The following KIAA0232 variants were observed in gnomAD, a reference collection of about 807,000 sequenced individuals.
The protein encoded by KIAA0232 is KIAA0232.
KIAA0232 carries 27 observed loss-of-function variants against 122.0 expected under a neutral mutation model. The ratio of observed to expected loss-of-function variants is 0.22; its 90% confidence interval spans 0.16 to 0.31. The LOEUF is 0.31. Ranked by LOEUF, KIAA0232 falls within the 10% of genes least tolerant of loss-of-function variation. KIAA0232 has a pLI of 1.00. For missense variants in KIAA0232, 1,551 were observed against 1,634.2 expected (o/e 0.95, Z 0.88); for synonymous variants, 613 against 587.6 (o/e 1.04, Z -0.63).
chr4:6,787,202 T>C (rs984531208), intron 1 of KIAA0232, among the ~76,000 whole-genome samples: 1 of 136,340 alleles, frequency 7.3e-6, no homozygotes, highest in African/African-American at 2.7e-5. Context: ...AAAAAAAAAA[T>C]CCTTATATTT....
chr4:6,852,312 G>A (rs762638861), intron 4 of KIAA0232, among the ~76,000 whole-genome samples: 2 of 152,098 alleles, frequency 1.3e-5, no homozygotes, highest in Admixed American at 6.5e-5. Context: ...GAAGGCATGA[G>A]TTTGTGACCC....
In KIAA0232 at chr4:6,809,785, A is replaced by G. The variant is rs141412577; in HGVS notation, c.-270+5179A>G. ...AATCAGTAATATTTATATATTACCA[A>G]TAACGATCTAGCTGAGGAAGAAATC... On this transcript the variant is annotated intron_variant, in intron 2 of 9. Transcript: ENST00000307659. 4.2e-4 allele frequency among the ~76,000 whole-genome samples: 64 copies of G among 152,302 alleles called. No homozygotes were observed. In the East Asian group the frequency reaches 9.3e-3, roughly 22 times the overall value.
chr4:6,797,789 A>G (rs1577356257), intron 1 of KIAA0232, among the ~76,000 whole-genome samples: 4 of 123,552 alleles, frequency 3.2e-5, no homozygotes, highest in Non-Finnish European at 3.5e-5. Context: ...AAAAAAAAAA[A>G]GGCCGGGCGC....
intron 4 of KIAA0232, among the ~76,000 whole-genome samples, chr4:6,856,448 G>A (rs182194960): frequency 7.9e-5 from 12 of 152,112 alleles, no homozygotes; most frequent in Admixed American, 5.9e-4. Context: ...AAGATTATTT[G>A]CTTGTGCCTG....
At chr4:6,870,830 G>A (rs1317565890) in intron 7 of KIAA0232, among the ~76,000 whole-genome samples, 1 of 149,954 alleles carries the variant, frequency 6.7e-6, no homozygotes, top group Non-Finnish European at 1.5e-5. Context: ...AAGTTTCTTT[G>A]ATTCCATTTC....
Position 6,861,117 on chromosome 4 carries a change from G to C in KIAA0232, c.735G>C (p.Glu245Asp). The C allele has an allele frequency of 1.9e-6, 3 of 1,614,126 alleles. No individual in the cohort carries two copies. Among genetic ancestry groups the C allele is most frequent in the Non-Finnish European group, 2.5e-6 (3 of 1,180,034 alleles). Residue 245 changes from glutamate to aspartate, a missense_variant, in exon 7 of 10, where the codon GAG becomes GAC. Glu to Asp is a conservative substitution (Grantham distance 45). Transcript: ENST00000307659. ...GTGAAGTACCCACCACTGTGCATGA[G>C]AAAACCCAGAGCAAAAGCAAAAACG... is the stretch of plus-strand genomic sequence containing the variant. ...RSSEVPTTVHEKTQSKSKNEK... is the reference protein window; with the variant it reads ...RSSEVPTTVHDKTQSKSKNEK...
chr4:6,839,244 C>T (rs1719515213), intron 3 of KIAA0232, among the ~76,000 whole-genome samples: 2 of 152,118 alleles, frequency 1.3e-5, no homozygotes, highest in African/African-American at 4.8e-5. Context: ...CCATCACCGT[C>T]AGGTTTAGAT....
chr4:6,798,670 A>G (rs146455298), intron 1 of KIAA0232, among the ~76,000 whole-genome samples: 1 of 152,068 alleles, frequency 6.6e-6, no homozygotes, highest in African/African-American at 2.4e-5. Context: ...TCCCACCTCA[A>G]CCTTCTGAGT....
At chr4:6,839,177 G>T (rs1719512082) in intron 3 of KIAA0232, among the ~76,000 whole-genome samples, 1 of 152,150 alleles carries the variant, frequency 6.6e-6, no homozygotes, top group Non-Finnish European at 1.5e-5. Context: ...TTCTAGGAAT[G>T]ACATTGATTA....
At position 6,881,018 on chromosome 4, in the gene KIAA0232, T is replaced by C. The variant is rs745386669; in HGVS notation, c.*52T>C. 2.3e-6 allele frequency: 3 copies of C among 1,283,914 alleles called. No individual in the cohort carries two copies. The allele number at this position is 1,283,914 out of a possible 1,614,324, so 79.5% of individuals were successfully genotyped here. On this transcript the variant is annotated 3_prime_UTR_variant, in exon 10 of 10. Transcript: ENST00000307659. ...TTAAAAATGATATGTGATGGAAAAT[T>C]ACTCTTCAGTGAGACCTGTTAATCT...
intron 1 of KIAA0232, among the ~76,000 whole-genome samples, chr4:6,787,693 G>A (rs1053522754): frequency 7.2e-5 from 11 of 152,178 alleles, no homozygotes; most frequent in Non-Finnish European, 1.5e-4. Context: ...TCCTTATGAA[G>A]ATAGTTACTG....
chr4:6,829,986 T>C (rs1718881855), intron 3 of KIAA0232, among the ~76,000 whole-genome samples: 1 of 152,226 alleles, frequency 6.6e-6, no homozygotes, highest in Admixed American at 6.5e-5. Flanking sequence ...ATTAAAACTT[T>C]TCTTGTTATA....
chr4:6,854,168 G>A (rs777867501), intron 4 of KIAA0232, among the ~76,000 whole-genome samples: 2 of 152,164 alleles, frequency 1.3e-5, no homozygotes, highest in Non-Finnish European at 2.9e-5. Context: ...AATTAAAGAC[G>A]TACAAAATCT....
rs150491493 is a variant in KIAA0232, at chr4:6,816,953, C to T, written c.-269-7232C>T. Among the ~76,000 whole-genome samples the T allele has an allele frequency of 2.0e-3, 306 of 152,240 alleles. 2 individuals are homozygous for T. Among genetic ancestry groups the T allele is most frequent in the African/African-American group, 7.1e-3 (296 of 41,560 alleles). On this transcript the variant is annotated intron_variant, in intron 2 of 9. Transcript: ENST00000307659. The stretch of plus-strand genomic sequence containing the variant: ...CTGTAGTGATCTCACCTCTCTCATT[C>T]CTGATACTGGTAATCTATGTCTTCT...
chr4:6,840,884 C>T (rs1304064335), intron 3 of KIAA0232, among the ~76,000 whole-genome samples: 1 of 151,984 alleles, frequency 6.6e-6, no homozygotes, highest in Non-Finnish European at 1.5e-5. Flanking sequence ...ATAGAAATAT[C>T]TTGGTTCTTT....
At chr4:6,797,269 C>T (rs550655176) in intron 1 of KIAA0232, among the ~76,000 whole-genome samples, 5 of 152,152 alleles carry the variant, frequency 3.3e-5, no homozygotes, top group African/African-American at 1.2e-4. Flanking sequence ...TGAAAAAGAT[C>T]AGGTAGCACC....
At position 6,824,603 on chromosome 4, in the gene KIAA0232, T is replaced by A; in HGVS notation, c.150T>A (p.Cys50Ter). The change falls in exon 3 of 10, where the codon TGT (cysteine) becomes TGA (stop). Residue 50 changes from cysteine to a stop codon, truncating the protein, a stop_gained. Transcript: ENST00000307659. LOFTEE classifies it high-confidence loss of function. ...QTWLGQELEK[C>*]GIDAMIYTRY... ...GGCTGGGACAAGAGCTCGAGAAATG[T>A]GGCATTGATGCCATGATTTACACTC... The A allele has an allele frequency of 6.2e-7, 1 of 1,614,242 alleles. No homozygotes were observed. The highest frequency in any genetic ancestry group is 8.5e-7 in the Non-Finnish European group (1 of 1,180,036).
At chr4:6,794,124 C>G (rs946462843) in intron 1 of KIAA0232, among the ~76,000 whole-genome samples, 1 of 152,196 alleles carries the variant, frequency 6.6e-6, no homozygotes, top group Non-Finnish European at 1.5e-5. Context: ...AGCCTTTTGA[C>G]TTCCACTTGG....
rs34146483 is a variant in KIAA0232, at chr4:6,806,737, CAAAAAAAAAAAAAAA to C, written c.-270+2143_-270+2157del. ...TGACAGAGCTAGATAGACTCCCTCTCAAAAAAAAAAAAAAAAAAAAAAAAAAGAATTAAAACAATA... is the reference window on the plus strand; with the variant it reads ...TGACAGAGCTAGATAGACTCCCTCTCAAAAAAAAAAAGAATTAAAACAATA... On this transcript the variant is annotated intron_variant, in intron 2 of 9. Coordinates refer to ENST00000307659, the MANE Select transcript of KIAA0232 (RefSeq NM_014743.3). 6.3e-5 allele frequency among the ~76,000 whole-genome samples: 3 copies of C among 47,666 alleles called. No homozygotes were observed. In the East Asian group the frequency reaches 2.2e-3, roughly 34 times the overall value. 31.3% of individuals were successfully genotyped at this position (47,666 alleles called of 152,430 possible). A position where few individuals can be genotyped will look rare whatever the true frequency, so the allele number is the denominator to read the frequency against.
Sources: allele counts gnomAD v4.1 joint callset (sites outside exome capture counted in the v4.1 genomes callset), GRCh38; gene constraint gnomAD v4.1.1; transcripts MANE v1.5; gene names NCBI Gene and HGNC (gene_info 2026-07-23, HGNC 2026-07-21).